Variants in C18orf54 observed in about 807,000 individuals in gnomAD.
C18orf54 encodes the protein lung adenoma susceptibility protein 2.
A neutral mutation model predicts 49.3 loss-of-function variants in C18orf54; 49 were observed. The ratio of observed to expected loss-of-function variants is 0.99; its 90% CI spans 0.79 to 1.26. The LOEUF is 1.26. Ranked by LOEUF, C18orf54 falls within the 50% of genes most tolerant of loss-of-function variation. The pLI is 0.00. For missense variants in C18orf54, 687 were observed against 620.6 expected (o/e 1.11, Z -1.14); for synonymous variants, 211 against 216.6 (o/e 0.97, Z 0.23).
At chr18:54,376,079 C>G (rs998235147) in intron 8 of C18orf54, among the ~76,000 whole-genome samples, 3 of 152,256 alleles carry the variant, frequency 2.0e-5, no homozygotes, top group Middle Eastern at 6.8e-3. Flanking sequence ...CAAAATATTT[C>G]AAAAGTTACT....
At chr18:54,358,364 G>GA (rs1345558372) in intron 1 of C18orf54, among the ~76,000 whole-genome samples, 2 of 152,246 alleles carry the variant, frequency 1.3e-5, no homozygotes, top group African/African-American at 2.4e-5. Flanking sequence ...GCGGCGACAG[G>GA]AAGGGGCTTG....
rs1160831206 is a variant in C18orf54 at position 54,380,229 on chromosome 18, G to A, written c.*1983G>A. 6.6e-6 allele frequency: 1 copy of A among 151,960 alleles called. No individual in the cohort carries two copies. The highest frequency in any genetic ancestry group is 2.4e-5 in the African/African-American group (1 of 41,424). The allele number at this position is 151,960 out of a possible 1,614,324, so 9.4% of individuals were successfully genotyped here. ...TTTAATATCTCAGGGTTCTTTTTAG[G>A]TTTCCAGGGGAAAAGAGCAGGATAA... On this transcript the variant is annotated 3_prime_UTR_variant, in exon 9 of 9. Coordinates refer to ENST00000620105, the MANE Select transcript of C18orf54 (RefSeq NM_001288980.2).
At chr18:54,358,348 C>G (rs2089189251) in intron 1 of C18orf54, among the ~76,000 whole-genome samples, 1 of 152,172 alleles carries the variant, frequency 6.6e-6, no homozygotes, top group South Asian at 2.1e-4. Flanking sequence ...CGTCTGCGGA[C>G]CTGAGGCGGC....
At chr18:54,372,107 G>A (rs915994825) in intron 6 of C18orf54, among the ~76,000 whole-genome samples, 1 of 152,024 alleles carries the variant, frequency 6.6e-6, no homozygotes, top group African/African-American at 2.4e-5. Flanking sequence ...TTGATCAGCT[G>A]TAAAGAACAT....
chr18:54,362,175 T>C lies in C18orf54; in HGVS notation c.816T>C (p.Pro272=), dbSNP rs1279555527. ...PVWLHNQDLL[P]DANSQRVYQI... is the part of the protein sequence containing the mutation. ...GGCTGCACAATCAAGACTTGCTACC[T>C]GATGCAAATAGTCAAAGGGTTTATC... The change falls in exon 4 of 9, where the codon CCT becomes CCC. Residue 272 remains proline, a synonymous_variant. Transcript: ENST00000620105. 6.5e-7 allele frequency: 1 copy of C among 1,536,234 alleles called. No homozygotes were observed. Among genetic ancestry groups the C allele is most frequent in the South Asian group, 1.2e-5 (1 of 84,062 alleles).
rs199712387 is a variant in C18orf54 at position 54,378,040 on chromosome 18, C to G, written c.1530-134C>G. On this transcript the variant is annotated intron_variant, in intron 8 of 8. Coordinates refer to ENST00000620105, the MANE Select transcript of C18orf54 (RefSeq NM_001288980.2). ...TCAAGGTTTTATAAGGAATAAGTCT[C>G]AAAGTTTATATAAATTTACTTCTCA... The G allele has an allele frequency of 8.2e-6, 4 of 485,720 alleles. No individual in the cohort carries two copies. In the East Asian group the frequency reaches 1.3e-4, roughly 16 times the overall value. The allele number at this position is 485,720 out of a possible 1,614,324, so 30.1% of individuals were successfully genotyped here. A position where few individuals can be genotyped will look rare whatever the true frequency, so the allele number is the denominator to read the frequency against.
chr18:54,361,752 C>T lies in C18orf54; in HGVS notation c.393C>T (p.Leu131=), dbSNP rs1427703495. ...TAACAACTGATGATCTATTAAGACT[C>T]CCAGCAGATGGATCATTTTCTTATA... The part of the protein sequence containing the change: ...MSLTTDDLLR[L]PADGSFSYTY... Residue 131 remains leucine (L), a synonymous_variant, in exon 4 of 9, where the codon CTC becomes CTT. Coordinates refer to ENST00000620105, the MANE Select transcript of C18orf54 (RefSeq NM_001288980.2). The T allele has an allele frequency of 6.2e-7, 1 of 1,613,912 alleles. No homozygotes were observed. Among genetic ancestry groups the T allele is most frequent in the African/African-American group, 1.3e-5 (1 of 74,886 alleles).
chr18:54,359,036 A>G (rs1439883605), intron 2 of C18orf54, among the ~76,000 whole-genome samples, 166 bp downstream of exon 2: 3 of 152,076 alleles, frequency 2.0e-5, no homozygotes, highest in Admixed American at 1.3e-4. Flanking sequence ...GAACGATTCT[A>G]CTTTTGTATA....
At chr18:54,367,759 G>C (rs2089413080) in intron 6 of C18orf54, among the ~76,000 whole-genome samples, 1 of 152,070 alleles carries the variant, frequency 6.6e-6, no homozygotes, top group Admixed American at 6.6e-5. Context: ...CCAGACGTGG[G>C]AAATTTTCAG....
chr18:54,367,671 G>A (rs1378607835), intron 6 of C18orf54, among the ~76,000 whole-genome samples: 1 of 152,074 alleles, frequency 6.6e-6, no homozygotes, highest in Non-Finnish European at 1.5e-5. Context: ...TAACCATAGT[G>A]TGCCTCTGGG....
In C18orf54 at chr18:54,381,858, AGAT is replaced by A. The variant is rs1451399322; in HGVS notation, c.*3616_*3618del. ...AAGGAAATGTATATCAAAATATGTT[AGAT>A]GATTGATTGTTTTATCTCCTTGATG... On this transcript the variant is annotated 3_prime_UTR_variant, in exon 9 of 9. Transcript: ENST00000620105. 3 of 152,198 alleles carry A rather than the reference AGAT, an allele frequency of 2.0e-5. No individual in the cohort carries two copies. The highest frequency in any genetic ancestry group is 3.2e-3 in the Middle Eastern group (1 of 316). The allele number at this position is 152,198 out of a possible 1,614,324, so 9.4% of individuals were successfully genotyped here.
At chr18:54,368,053 T>C (rs151263815) in intron 6 of C18orf54, among the ~76,000 whole-genome samples, 13 of 152,154 alleles carry the variant, frequency 8.5e-5, no homozygotes, top group South Asian at 2.1e-4. Context: ...GATTTCTGTT[T>C]GTTGACTTTG....
chr18:54,360,720 C>G lies in C18orf54; in HGVS notation c.148C>G (p.Gln50Glu). The stretch of plus-strand genomic sequence containing the variant: ...AGATAAGCTGTACAGATCTGCTTCT[C>G]AAGCTCTACAGGCTTATATTGATGA... ...YKDKLYRSAS[Q>E]ALQAYIDDFD... Residue 50 changes from glutamine (Q) to glutamate (E), a missense_variant, in exon 3 of 9, where the codon CAA (glutamine) becomes GAA (glutamate). Transcript: ENST00000620105. 2.5e-6 allele frequency: 4 copies of G among 1,614,098 alleles called. No homozygotes were observed. The highest frequency in any genetic ancestry group is 2.7e-5 in the African/African-American group (2 of 75,032).
intron 8 of C18orf54, among the ~76,000 whole-genome samples, chr18:54,374,994 A>G (rs2089546294): frequency 6.6e-6 from 1 of 151,952 alleles, no homozygotes. Flanking sequence ...AGACATGTAA[A>G]CTTACGAATC....
rs757868183 is a variant in C18orf54, at chr18:54,362,159, A to G, written c.800A>G (p.Asn267Ser). The change falls in exon 4 of 9, where the codon AAT becomes AGT. Residue 267 changes from asparagine to serine, a missense_variant. Asn to Ser is a conservative substitution (Grantham distance 46). Transcript: ENST00000620105. The stretch of plus-strand genomic sequence containing the variant: ...TTCAAATACCCAGTCTGGCTGCACA[A>G]TCAAGACTTGCTACCTGATGCAAAT... ...PDFKYPVWLH[N>S]QDLLPDANSQ... is the part of the protein sequence containing the mutation. 17 of 1,536,258 alleles carry G rather than the reference A, an allele frequency of 1.1e-5. No homozygotes were observed. The South Asian group carries it at 1.7e-4, about 15-fold the overall frequency.
At chr18:54,369,655 G>A (rs2089450322) in intron 6 of C18orf54, among the ~76,000 whole-genome samples, 1 of 151,770 alleles carries the variant, frequency 6.6e-6, no homozygotes. Flanking sequence ...TTTTAGTAGA[G>A]GCAGGGTTTC....
At position 54,375,872 on chromosome 18, in the gene C18orf54, G is replaced by A. The variant is rs567637694; in HGVS notation, c.1529+1588G>A. On this transcript the variant is annotated intron_variant, in intron 8 of 8. Transcript: ENST00000620105. ...ATTTCTAAAGTATTATCAGTAAGACGTTTGTACTGTAATGAAGTAAGCTTA... is the reference window on the plus strand; with the variant it reads ...ATTTCTAAAGTATTATCAGTAAGACATTTGTACTGTAATGAAGTAAGCTTA... 3.1e-4 allele frequency among the ~76,000 whole-genome samples: 39 copies of A among 126,284 alleles called. No individual in the cohort carries two copies. In the South Asian group the frequency reaches 8.8e-3, roughly 28 times the overall value. 82.8% of individuals were successfully genotyped at this position (126,284 alleles called of 152,430 possible).
At chr18:54,360,901 C>G in intron 3 of C18orf54, 46 bp downstream of exon 3, 1 of 1,533,112 alleles carries the variant, frequency 6.5e-7, no homozygotes, top group Non-Finnish European at 8.9e-7. Context: ...TGTTTTGAAG[C>G]ATTTGGGAGA....
At chr18:54,363,624 CAA>C (rs1447096126) in intron 5 of C18orf54, among the ~76,000 whole-genome samples, 2 of 152,086 alleles carry the variant, frequency 1.3e-5, no homozygotes, top group African/African-American at 4.8e-5. Context: ...CCTGAAGTTA[CAA>C]ATTTCTTATC....
Sources: allele counts gnomAD v4.1 joint callset (sites outside exome capture counted in the v4.1 genomes callset), GRCh38; gene constraint gnomAD v4.1.1; transcripts MANE v1.5; gene names NCBI Gene and HGNC (gene_info 2026-07-23, HGNC 2026-07-21).